Variants in ANKS1B observed in about 807,000 individuals in gnomAD.
ANKS1B encodes ankyrin repeat and sterile alpha motif domain containing 1B.
Under a neutral mutation model 148.3 loss-of-function variants are expected in ANKS1B, and 36 were observed. That is an observed-to-expected ratio of 0.24 (90% CI 0.19 to 0.32). The LOEUF is 0.32. ANKS1B is among the 10% of genes least tolerant of loss of function. The pLI, the probability that ANKS1B is intolerant of heterozygous loss-of-function variation, is 1.00. For missense variants in ANKS1B, 1,157 were observed against 1,542.6 expected (o/e 0.75, Z 4.19); for synonymous variants, 542 against 560.8 (o/e 0.97, Z 0.47).
chr12:99,351,298 A>G (rs1168979296), intron 12 of ANKS1B, among the ~76,000 whole-genome samples: 1 of 152,086 alleles, frequency 6.6e-6, no homozygotes, highest in Non-Finnish European at 1.5e-5. Flanking sequence ...TAAACTAACT[A>G]TATACTAAAA....
In ANKS1B at chr12:99,696,887, A is replaced by T. The variant is rs915722326; in HGVS notation, c.1129-41677T>A. 1.3e-4 allele frequency among the ~76,000 whole-genome samples: 20 copies of T among 152,318 alleles called. 1 individual carries two copies. In the South Asian group the frequency reaches 1.7e-3, roughly 13 times the overall value. On this transcript the variant is annotated intron_variant, in intron 8 of 26. Transcript: ENST00000683438. ...AGAACACTTAAAATACAACATAAGA[A>T]AACAAATAACCCAATTTTTAAAATG...
intron 2 of ANKS1B, among the ~76,000 whole-genome samples, chr12:99,812,554 CACACAGAGAGAG>C (rs760757716): frequency 0.013 from 1,299 of 100,708 alleles, 14 homozygotes; most frequent in East Asian, 0.035. Flanking sequence ...CACACACACA[CACACAGAGAGAG>C]AGAGAGAGAG....
At chr12:98,765,877 G>A (rs531552722) in intron 25 of ANKS1B, among the ~76,000 whole-genome samples, 23 of 152,318 alleles carry the variant, frequency 1.5e-4, no homozygotes, top group African/African-American at 4.6e-4. Flanking sequence ...TTACAGGCAT[G>A]AGCCATCGTG....
rs181668634 is a variant in ANKS1B at position 99,083,469 on chromosome 12, T to G, written c.2625+1456A>C. The stretch of plus-strand genomic sequence containing the variant: ...TAGTCCAGTCATGTCCATTCCCCAG[T>G]GCCTACAGAATAAATTTCAAATTCC... On this transcript the variant is annotated intron_variant, in intron 16 of 26. Transcript: ENST00000683438. 7.9e-4 allele frequency among the ~76,000 whole-genome samples: 120 copies of G among 152,272 alleles called. 2 individuals are homozygous for G. The East Asian group carries it at 0.02, about 26-fold the overall frequency.
intron 12 of ANKS1B, among the ~76,000 whole-genome samples, chr12:99,318,101 A>T (rs118100998): frequency 0.019 from 2,846 of 152,308 alleles, 57 homozygotes; most frequent in Middle Eastern, 0.034. Flanking sequence ...ATCATTGTTC[A>T]TCAGGAATAT....
chr12:99,276,725 T>C (rs531888835), intron 12 of ANKS1B, among the ~76,000 whole-genome samples: 4 of 152,210 alleles, frequency 2.6e-5, no homozygotes, highest in Non-Finnish European at 4.4e-5. Flanking sequence ...TAAAACCTTC[T>C]TCTGACGATG....
intron 1 of ANKS1B, among the ~76,000 whole-genome samples, chr12:99,873,772 G>A (rs886067236): frequency 6.6e-6 from 1 of 152,080 alleles, no homozygotes; most frequent in Non-Finnish European, 1.5e-5. Context: ...TAAATCAGTA[G>A]ACTTTAAGTA....
At chr12:98,967,645 GGAAGAGGAGGGGAGA>G (rs1568078504) in intron 17 of ANKS1B, among the ~76,000 whole-genome samples, 31 of 114,576 alleles carry the variant, frequency 2.7e-4, no homozygotes, top group East Asian at 2.0e-3. Context: ...GGGAGGGGAG[GGAAGAGGAGGGGAGA>G]GGAGGGGAGG....
chr12:98,752,205 C>A (rs1379975472), intron 25 of ANKS1B, among the ~76,000 whole-genome samples: 1 of 152,150 alleles, frequency 6.6e-6, no homozygotes, highest in Non-Finnish European at 1.5e-5. Flanking sequence ...TGTGCCCTGA[C>A]CACCTTGGGC....
chr12:99,111,253 T>C (rs1372304910), intron 15 of ANKS1B, among the ~76,000 whole-genome samples: 1 of 152,250 alleles, frequency 6.6e-6, no homozygotes, highest in Non-Finnish European at 1.5e-5. Flanking sequence ...CATTTTCTAA[T>C]GGTATCAGAG....
intron 9 of ANKS1B, among the ~76,000 whole-genome samples, chr12:99,644,666 T>C (rs1227211736): frequency 6.6e-6 from 1 of 152,194 alleles, no homozygotes; most frequent in East Asian, 1.9e-4. Context: ...GGTACCAAAA[T>C]GTGGAATAGT....
At chr12:99,044,548 C>G (rs930652285) in intron 17 of ANKS1B, among the ~76,000 whole-genome samples, 1 of 152,088 alleles carries the variant, frequency 6.6e-6, no homozygotes, top group Admixed American at 6.6e-5. Context: ...TGAGGGAGGA[C>G]AGCATCTGAG....
chr12:98,760,467 T>C (rs971901472), intron 25 of ANKS1B, among the ~76,000 whole-genome samples: 9 of 152,176 alleles, frequency 5.9e-5, no homozygotes, highest in Admixed American at 5.9e-4. Context: ...GGTTTCAACA[T>C]GTTGCCCAGG....
chr12:99,451,723 C>T (rs564774273), intron 10 of ANKS1B, among the ~76,000 whole-genome samples: 1 of 152,036 alleles, frequency 6.6e-6, no homozygotes, highest in South Asian at 2.1e-4. Context: ...ACTTCAGTTT[C>T]ATCTTCTGTA....
At chr12:99,916,365 G>T (rs568947966) in intron 1 of ANKS1B, among the ~76,000 whole-genome samples, 70 of 152,262 alleles carry the variant, frequency 4.6e-4, no homozygotes, top group African/African-American at 1.6e-3. Context: ...TTATACCAGG[G>T]TATCCAAAAT....
chr12:99,249,816 A>G (rs1377698890), intron 12 of ANKS1B, among the ~76,000 whole-genome samples: 1 of 152,236 alleles, frequency 6.6e-6, no homozygotes, highest in Non-Finnish European at 1.5e-5. Flanking sequence ...TCTGAAAAGC[A>G]TGTGTGCATT....
intron 12 of ANKS1B, among the ~76,000 whole-genome samples, chr12:99,362,699 T>C (rs1261306853): frequency 2.6e-5 from 4 of 152,002 alleles, no homozygotes; most frequent in African/African-American, 9.7e-5. Flanking sequence ...TTTCCAAGCA[T>C]GTATTTTACC....
chr12:99,484,771 T>G (rs1400939688), intron 10 of ANKS1B, among the ~76,000 whole-genome samples: 8 of 143,548 alleles, frequency 5.6e-5, no homozygotes, highest in East Asian at 1.9e-4. Flanking sequence ...TGTGTTTTTT[T>G]TTTTTTTTTT....
chr12:99,249,261 CAA>C (rs79382558), intron 12 of ANKS1B, among the ~76,000 whole-genome samples: 25,829 of 151,998 alleles, frequency 0.17, 2,591 homozygotes, highest in Non-Finnish European at 0.24. Context: ...AAATCTCAGC[CAA>C]AAGAGTTTCC....
Sources: gnomAD v4.1 joint callset for allele counts (sites outside exome capture counted in the v4.1 genomes callset) on GRCh38, gnomAD v4.1.1 for gene constraint, MANE v1.5 for transcripts, NCBI Gene and HGNC (gene_info 2026-07-23, HGNC 2026-07-21) for gene names.